The following GRIA3 variants were observed in gnomAD, a reference collection of about 807,000 sequenced individuals.
GRIA3 encodes the protein glutamate ionotropic receptor AMPA type subunit 3.
In GRIA3, 3 loss-of-function variants were observed where a neutral mutation model predicts 63.0. The observed-to-expected ratio is 0.05, with a 90% confidence interval of 0.02 to 0.12. The LOEUF is 0.12. Among genes scored for constraint, GRIA3 ranks in the 10% least tolerant of loss-of-function variants. GRIA3 has a pLI of 1.00. For missense variants in GRIA3, 347 were observed against 700.9 expected, an observed-to-expected ratio of 0.50 and a Z score of 5.70; for synonymous variants, 274 against 257.9, an observed-to-expected ratio of 1.06 and a Z score of -0.60.
intron 15 of GRIA3, among the ~76,000 whole-genome samples, chrX:123,486,001 A>G (rs2045938296): frequency 9.1e-6 from 1 of 109,824 alleles, no homozygotes; most frequent in Non-Finnish European, 1.9e-5. Flanking sequence ...AGAGAATGTA[A>G]CTTAAGAAAA....
chrX:123,336,404 G>C, intron 4 of GRIA3, among the ~76,000 whole-genome samples: 1 of 111,424 alleles, frequency 9.0e-6, no homozygotes, highest in African/African-American at 3.3e-5. Flanking sequence ...GTCAAATTAA[G>C]CTCATCCTTT....
intron 12 of GRIA3, among the ~76,000 whole-genome samples, chrX:123,440,666 T>C (rs1203927069): frequency 1.8e-5 from 2 of 112,993 alleles, no homozygotes; most frequent in Non-Finnish European, 3.7e-5. Flanking sequence ...TAAATTTGTT[T>C]AACTGCCTTA....
intron 12 of GRIA3, among the ~76,000 whole-genome samples, chrX:123,429,014 A>G (rs1186267497): frequency 8.9e-6 from 1 of 111,751 alleles, no homozygotes; most frequent in Non-Finnish European, 1.9e-5. Flanking sequence ...AAATGGACAC[A>G]TTCTATAATA....
chrX:123,435,583 A>G (rs765923571), intron 12 of GRIA3, among the ~76,000 whole-genome samples: 43 of 112,002 alleles, frequency 3.8e-4, no homozygotes, highest in Non-Finnish European at 7.0e-4. Flanking sequence ...TTGATAGATC[A>G]ATTAGAAAAG....
chrX:123,290,871 G>T (rs1420514675), intron 3 of GRIA3, among the ~76,000 whole-genome samples: 3 of 110,977 alleles, frequency 2.7e-5, no homozygotes, highest in African/African-American at 6.5e-5. Flanking sequence ...CTTATAAGGT[G>T]GGGTTAATGA....
At chrX:123,202,765 G>T in intron 2 of GRIA3, 1 of 1,166,136 alleles carries the variant, frequency 8.6e-7, no homozygotes, top group Non-Finnish European at 1.1e-6. Flanking sequence ...CGCCAAAACT[G>T]GGCCTATTGT....
intron 2 of GRIA3, chrX:123,204,357 T>A (rs1416053828): frequency 2.8e-6 from 3 of 1,073,398 alleles, no homozygotes; most frequent in Admixed American, 2.6e-5. Context: ...ATGTGGCTCA[T>A]CCATTCATAG....
At chrX:123,357,835 T>C (rs1327023040) in intron 5 of GRIA3, among the ~76,000 whole-genome samples, 2 of 111,519 alleles carry the variant, frequency 1.8e-5, no homozygotes, top group African/African-American at 6.5e-5. Context: ...TGTGACTTCC[T>C]TTACCATGCT....
At chrX:123,209,681 G>C (rs371946184) in intron 2 of GRIA3, among the ~76,000 whole-genome samples, 2 of 112,164 alleles carry the variant, frequency 1.8e-5, no homozygotes, top group South Asian at 7.4e-4. Flanking sequence ...CTTCAAGGTA[G>C]TTTCCCTAAT....
chrX:123,385,904 G>A (rs1371853735), intron 5 of GRIA3, among the ~76,000 whole-genome samples: 1 of 111,963 alleles, frequency 8.9e-6, no homozygotes, highest in Non-Finnish European at 1.9e-5. Flanking sequence ...AGGAGTGCAG[G>A]TATTCCTTAG....
chrX:123,358,228 A>G (rs948153904), intron 5 of GRIA3: 2 of 112,111 alleles, frequency 1.8e-5, no homozygotes, highest in Non-Finnish European at 1.9e-5. Flanking sequence ...ACAAAAGAGC[A>G]AAGTCCAATG....
intron 2 of GRIA3, among the ~76,000 whole-genome samples, chrX:123,217,396 A>C (rs1212925423): frequency 9.0e-6 from 1 of 111,694 alleles, no homozygotes; most frequent in Non-Finnish European, 1.9e-5. Flanking sequence ...TCAGCAAAAG[A>C]AGGAAGTAGA....
At position 123,452,890 on chromosome X, in the gene GRIA3, G is replaced by C. The variant is rs774354722; in HGVS notation, c.2077-11975G>C. Among the ~76,000 whole-genome samples, 3 of 111,475 alleles carry C rather than the reference G, an allele frequency of 2.7e-5. No individual in the cohort carries two copies. In the South Asian group the frequency reaches 1.2e-3, roughly 43 times the overall value. On this transcript the variant is annotated intron_variant, in intron 12 of 15. Transcript: ENST00000620443. ...GGTGTGGCAGACACACTTTCTTTGT[G>C]ACCCATTCTCTGTCTTGAAAATAGG... is the stretch of plus-strand genomic sequence containing the variant.
intron 3 of GRIA3, among the ~76,000 whole-genome samples, 162 bp from the exon 4 acceptor site, chrX:123,325,864 G>T (rs746714574): frequency 1.8e-5 from 2 of 111,976 alleles, no homozygotes; most frequent in Non-Finnish European, 3.8e-5. Flanking sequence ...AAATGAAAGT[G>T]CAAACTGTCT....
chrX:123,222,314 C>T (rs1055510254), intron 2 of GRIA3, among the ~76,000 whole-genome samples: 1 of 112,273 alleles, frequency 8.9e-6, no homozygotes, highest in Admixed American at 9.4e-5. Flanking sequence ...CTGTTTCTCC[C>T]ACCATGTGTA....
chrX:123,414,376 A>G (rs2045523821), intron 10 of GRIA3, among the ~76,000 whole-genome samples: 1 of 112,366 alleles, frequency 8.9e-6, no homozygotes, highest in East Asian at 2.8e-4. Flanking sequence ...CTCATCCCAT[A>G]CATCTGGGGT....
intron 3 of GRIA3, among the ~76,000 whole-genome samples, chrX:123,256,406 G>T (rs2044420067): frequency 8.9e-6 from 1 of 112,057 alleles, no homozygotes; most frequent in East Asian, 2.8e-4. Flanking sequence ...AATGGATAGG[G>T]CTTAATTTCC....
chrX:123,407,768 T>A (rs2045484322), intron 10 of GRIA3, among the ~76,000 whole-genome samples: 2 of 102,106 alleles, frequency 2.0e-5, no homozygotes, highest in African/African-American at 7.2e-5. Context: ...GATCTTTGAC[T>A]CTGAAGTCCA....
intron 3 of GRIA3, among the ~76,000 whole-genome samples, chrX:123,302,684 C>G (rs1328377636): frequency 2.7e-5 from 3 of 111,582 alleles, no homozygotes; most frequent in Non-Finnish European, 5.7e-5. Context: ...GTCTATTACT[C>G]TATCGTCTAC....
Sources: gnomAD v4.1 joint callset for allele counts (sites outside exome capture counted in the v4.1 genomes callset) on GRCh38, gnomAD v4.1.1 for gene constraint, MANE v1.5 for transcripts, NCBI Gene and HGNC (gene_info 2026-07-23, HGNC 2026-07-21) for gene names.